The following ZFHX4 variants were observed in gnomAD, a reference collection of about 807,000 sequenced individuals.
ZFHX4 encodes the protein zinc finger homeobox protein 4.
Under a neutral mutation model 267.6 loss-of-function variants are expected in ZFHX4, and 56 were observed. The ratio of observed to expected loss-of-function variants is 0.21; its 90% CI spans 0.17 to 0.26. ZFHX4 has a LOEUF of 0.26. Ranked by LOEUF, ZFHX4 falls within the 10% of genes least tolerant of loss-of-function variation. The pLI is 1.00. For synonymous variants in ZFHX4, 1,778 were observed against 1,665.6 expected (o/e 1.07, Z -1.64); for missense variants, 4,332 against 4,420.0 (o/e 0.98, Z 0.56).
chr8:76,782,042 G>T, intron 4 of ZFHX4: 1 of 325,218 alleles, frequency 3.1e-6, no homozygotes, highest in East Asian at 7.9e-5. Flanking sequence ...CATTTTACTA[G>T]CTATAATCTC....
chr8:76,821,774 C>A (rs1811654958), intron 4 of ZFHX4, among the ~76,000 whole-genome samples: 1 of 152,148 alleles, frequency 6.6e-6, no homozygotes, highest in Non-Finnish European at 1.5e-5. Flanking sequence ...ACTGGCACTT[C>A]TAAATATTGT....
chr8:76,752,537 G>T (rs1448215653), intron 3 of ZFHX4, among the ~76,000 whole-genome samples: 1 of 151,174 alleles, frequency 6.6e-6, no homozygotes, highest in Non-Finnish European at 1.5e-5. Context: ...TGGGCATGGT[G>T]GCACATGCCT....
At chr8:76,758,077 T>C (rs1809810508) in intron 3 of ZFHX4, among the ~76,000 whole-genome samples, 1 of 152,162 alleles carries the variant, frequency 6.6e-6, no homozygotes, top group Non-Finnish European at 1.5e-5. Context: ...AGGAACTGTC[T>C]TAAGTCCTGA....
chr8:76,785,953 A>G (rs1325147252), intron 4 of ZFHX4, among the ~76,000 whole-genome samples: 5 of 152,180 alleles, frequency 3.3e-5, no homozygotes, highest in Non-Finnish European at 7.3e-5. Context: ...ACTAAATATA[A>G]TAACAAAAGG....
intron 3 of ZFHX4, among the ~76,000 whole-genome samples, chr8:76,744,945 T>C (rs1585903027): frequency 6.6e-6 from 1 of 152,122 alleles, no homozygotes; most frequent in Non-Finnish European, 1.5e-5. Context: ...CCTGGAAATC[T>C]GGTTTTTGAA....
At chr8:76,733,308 T>G (rs1304386024) in intron 3 of ZFHX4, 1 of 152,164 alleles carries the variant, frequency 6.6e-6, no homozygotes, top group East Asian at 1.9e-4. Context: ...GTGGATAAAC[T>G]AAGGACTGGG....
At chr8:76,709,792 C>CGT (rs1188818473) in intron 3 of ZFHX4, among the ~76,000 whole-genome samples, 11 of 139,688 alleles carry the variant, frequency 7.9e-5, no homozygotes, top group African/African-American at 2.2e-4. Flanking sequence ...CGTGTGTGTG[C>CGT]GTGTGTGTGC....
intron 4 of ZFHX4, among the ~76,000 whole-genome samples, chr8:76,801,659 G>T (rs1044560545): frequency 2.6e-5 from 4 of 152,044 alleles, no homozygotes; most frequent in Non-Finnish European, 1.5e-5. Flanking sequence ...TAATAACCAC[G>T]TACTTTCATT....
At chr8:76,713,257 A>G (rs1263030664) in intron 3 of ZFHX4, among the ~76,000 whole-genome samples, 2 of 150,862 alleles carry the variant, frequency 1.3e-5, no homozygotes, top group Non-Finnish European at 2.9e-5. Context: ...AAATCTGTCA[A>G]TCAAAGGATA....
At chr8:76,802,968 A>T (rs537308554) in intron 4 of ZFHX4, among the ~76,000 whole-genome samples, 1 of 152,268 alleles carries the variant, frequency 6.6e-6, no homozygotes, top group South Asian at 2.1e-4. Flanking sequence ...ACTTATTTAG[A>T]CTTGAAGTCC....
At chr8:76,714,300 G>C (rs546793622) in intron 3 of ZFHX4, among the ~76,000 whole-genome samples, 41 of 152,278 alleles carry the variant, frequency 2.7e-4, no homozygotes, top group African/African-American at 9.4e-4. Flanking sequence ...TGTTAACCAG[G>C]CCTCACACTG....
chr8:76,827,448 A>G (rs1332270986), intron 4 of ZFHX4, among the ~76,000 whole-genome samples: 1 of 152,138 alleles, frequency 6.6e-6, no homozygotes, highest in Non-Finnish European at 1.5e-5. Context: ...AAATCTAGAT[A>G]ATTGGGCAAC....
chr8:76,851,788 G>A lies in ZFHX4; in HGVS notation c.4867G>A (p.Ala1623Thr). ...TGTGCTCCACCAGACAAAGGCTAGG[G>A]CTGCAAAGCTGGAGCCCAGTGGTCA... ...RSVLHQTKAR[A>T]AKLEPSGHVA... is the part of the protein sequence containing the mutation. Residue 1623 changes from alanine to threonine, a missense_variant, in exon 10 of 11, where the codon GCT becomes ACT. Coordinates refer to ENST00000651372, the MANE Select transcript of ZFHX4 (RefSeq NM_024721.5). 2 of 1,613,956 alleles carry A rather than the reference G, an allele frequency of 1.2e-6. No homozygotes were observed. Among genetic ancestry groups the A allele is most frequent in the South Asian group, 2.2e-5 (2 of 91,082 alleles).
chr8:76,741,840 C>T (rs560820666), intron 3 of ZFHX4, among the ~76,000 whole-genome samples: 1 of 152,276 alleles, frequency 6.6e-6, no homozygotes, highest in East Asian at 1.9e-4. Flanking sequence ...TTTGTGTACT[C>T]CTCCTGTTTC....
rs759309475 is a variant in ZFHX4 at position 76,854,807 on chromosome 8, A to G, written c.7886A>G (p.Asn2629Ser). 3.1e-6 allele frequency: 5 copies of G among 1,611,360 alleles called. No individual in the cohort carries two copies. Among genetic ancestry groups the G allele is most frequent in the East Asian group, 2.2e-5 (1 of 44,804 alleles). Residue 2629 changes from asparagine to serine, a missense_variant, in exon 10 of 11, where the codon AAT becomes AGT. Coordinates refer to ENST00000651372, the MANE Select transcript of ZFHX4 (RefSeq NM_024721.5). ...TATGAAAAATACTTGCTGGATTCCA[A>G]TCCTACCAGAAAAATGCTTGATCAT... is the stretch of plus-strand genomic sequence containing the variant. ...ILYEKYLLDS[N>S]PTRKMLDHIA...
Position 76,853,431 on chromosome 8 carries a change from A to C in ZFHX4, c.6510A>C (p.Gln2170His). 3 of 1,613,892 alleles carry C rather than the reference A, an allele frequency of 1.9e-6. No individual in the cohort carries two copies. Among genetic ancestry groups the C allele is most frequent in the Non-Finnish European group, 1.7e-6 (2 of 1,179,874 alleles). ...QEMAEKSGLS[Q>H]KVIKHWFRNT... ...TGGCAGAGAAATCTGGCCTCTCCCA[A>C]AAAGTTATCAAACACTGGTTTAGAA... Residue 2170 changes from glutamine (Q) to histidine (H), a missense_variant, in exon 10 of 11, where the codon CAA becomes CAC. Transcript: ENST00000651372.
intron 3 of ZFHX4, among the ~76,000 whole-genome samples, chr8:76,774,232 C>T (rs186557185): frequency 7.2e-4 from 110 of 152,174 alleles, no homozygotes; most frequent in African/African-American, 2.5e-3. Context: ...GTGATTGTTA[C>T]TCATGGCAGT....
At chr8:76,830,891 G>A (rs530713911) in intron 4 of ZFHX4, among the ~76,000 whole-genome samples, 1 of 152,228 alleles carries the variant, frequency 6.6e-6, no homozygotes, top group South Asian at 2.1e-4. Flanking sequence ...CCCGCAACTT[G>A]GTTTCCGGCC....
intron 3 of ZFHX4, among the ~76,000 whole-genome samples, chr8:76,720,130 A>G (rs1372322490): frequency 6.6e-6 from 1 of 152,112 alleles, no homozygotes; most frequent in East Asian, 1.9e-4. Flanking sequence ...TCATCATCCC[A>G]AGAAGAAATC....
Sources: allele counts gnomAD v4.1 joint callset (sites outside exome capture counted in the v4.1 genomes callset), GRCh38; gene constraint gnomAD v4.1.1; transcripts MANE v1.5; gene names NCBI Gene and HGNC (gene_info 2026-07-23, HGNC 2026-07-21).